The following RCC2 variants were observed in gnomAD, a reference collection of about 807,000 sequenced individuals.
RCC2 encodes protein RCC2.
Under a neutral mutation model 64.1 loss-of-function variants are expected in RCC2, and 19 were observed. The observed-to-expected ratio is 0.30, with a 90% CI of 0.21 to 0.44. The LOEUF (loss-of-function observed/expected upper bound fraction) is 0.44. Ranked by LOEUF, RCC2 falls within the 20% of genes least tolerant of loss-of-function variation. RCC2 has a pLI of 1.00. For missense variants in RCC2, 508 were observed against 710.4 expected (o/e 0.72, Z 3.24); for synonymous variants, 325 against 279.6 (o/e 1.16, Z -1.62).
chr1:17,431,441 C>G (rs7549366), intron 2 of RCC2, among the ~76,000 whole-genome samples: 4 of 95,620 alleles, frequency 4.2e-5, no homozygotes, highest in African/African-American at 1.6e-4. Context: ...CTGAAGCAGG[C>G]GGATCACCTG....
chr1:17,433,117 G>A (rs1003903192), intron 2 of RCC2, among the ~76,000 whole-genome samples: 12 of 152,088 alleles, frequency 7.9e-5, no homozygotes, highest in Admixed American at 7.2e-4. Context: ...CTCCAGTGAC[G>A]GTGGTCAGAT....
chr1:17,429,351 C>A, intron 2 of RCC2, 152 bp from the exon 3 acceptor site: 2 of 647,650 alleles, frequency 3.1e-6, no homozygotes, highest in East Asian at 2.7e-5. Context: ...TCCCCACACT[C>A]CCCTCCCTCA....
intron 11 of RCC2, among the ~76,000 whole-genome samples, chr1:17,410,612 G>A (rs1301797958): frequency 6.6e-6 from 1 of 152,232 alleles, no homozygotes; most frequent in Non-Finnish European, 1.5e-5. Context: ...GTGCAAAGGT[G>A]TGGAGCTGGG....
At chr1:17,409,896 C>CG (rs2075406213) in intron 12 of RCC2, 78 bp downstream of exon 12, 1 of 1,245,184 alleles carries the variant, frequency 8.0e-7, no homozygotes, top group Non-Finnish European at 1.2e-6. Context: ...AAACAGACTG[C>CG]GATGATCAAA....
At position 17,410,028 on chromosome 1, in the gene RCC2, C is replaced by T. The variant is rs2075407754; in HGVS notation, c.1410G>A (p.Lys470=). 5 of 1,614,092 alleles carry T rather than the reference C, an allele frequency of 3.1e-6. No individual in the cohort carries two copies. Among genetic ancestry groups the T allele is most frequent in the African/African-American group, 1.3e-5 (1 of 75,026 alleles). Residue 470 remains lysine (K), a synonymous_variant, in exon 12 of 13, where the codon AAG becomes AAA. Transcript: ENST00000375436. The part of the protein sequence containing the change: ...GELGYGDHKP[K]SSTAAQEVKT... ...TTACCTCCTGGGCTGCAGTGGAAGACTTGGGCTTGTGGTCCCCGTAGCCCT... is the reference window on the plus strand; with the variant it reads ...TTACCTCCTGGGCTGCAGTGGAAGATTTGGGCTTGTGGTCCCCGTAGCCCT...
chr1:17,434,097 A>C (rs2075711939), intron 2 of RCC2, among the ~76,000 whole-genome samples: 1 of 152,212 alleles, frequency 6.6e-6, no homozygotes, highest in Non-Finnish European at 1.5e-5. Context: ...GAAGTGCGCA[A>C]AGAATTAGGA....
At chr1:17,419,511 T>C (rs2075526831) in intron 7 of RCC2, among the ~76,000 whole-genome samples, 1 of 152,224 alleles carries the variant, frequency 6.6e-6, no homozygotes, top group Non-Finnish European at 1.5e-5. Flanking sequence ...AACACCTGCC[T>C]TAAAGCAAGT....
Position 17,413,078 on chromosome 1 carries a change from A to T in RCC2, c.1308T>A (p.Ala436=), listed in dbSNP as rs2075444339. ...DLCGWRIRSL[A]CGKSSIIVAA... The stretch of plus-strand genomic sequence containing the variant: ...CAGGAGATGCTGCCACCTACCCACA[A>T]GCCAGGCTCCGGATTCTCCAGCCGC... The change falls in exon 10 of 13, where the codon GCT becomes GCA. Residue 436 remains alanine, a synonymous_variant. Transcript: ENST00000375436. 6.2e-7 allele frequency: 1 copy of T among 1,612,140 alleles called. No homozygotes were observed. The highest frequency in any genetic ancestry group is 1.3e-5 in the African/African-American group (1 of 74,860).
Position 17,412,108 on chromosome 1 carries a change from A to G in RCC2, c.1386+14T>C. 6.2e-7 allele frequency: 1 copy of G among 1,613,836 alleles called. No homozygotes were observed. The highest frequency in any genetic ancestry group is 8.5e-7 in the Non-Finnish European group (1 of 1,179,738). On this transcript the variant is annotated intron_variant, in intron 11 of 12. Coordinates refer to ENST00000375436, the MANE Select transcript of RCC2 (RefSeq NM_018715.4). ...GGCTTCCACTTCCCCTGACCCGCAC[A>G]GGTGACAGCTTACCAGTTCCCCAAA...
chr1:17,416,696 C>T lies in RCC2; in HGVS notation c.860-50G>A, dbSNP rs770283349. 10 of 1,565,500 alleles carry T rather than the reference C, an allele frequency of 6.4e-6. No homozygotes were observed. In the African/African-American group the frequency reaches 9.4e-5, roughly 15 times the overall value. On this transcript the variant is annotated intron_variant, in intron 7 of 12. Coordinates refer to ENST00000375436, the MANE Select transcript of RCC2 (RefSeq NM_018715.4). ...TCAGCAGCAGCACAAGCACAAGGGACGTGTCAGTGTGCTCACACGGACTCT... is the reference window on the plus strand; with the variant it reads ...TCAGCAGCAGCACAAGCACAAGGGATGTGTCAGTGTGCTCACACGGACTCT...
intron 2 of RCC2, among the ~76,000 whole-genome samples, chr1:17,436,889 T>C (rs1471212980): frequency 6.6e-6 from 1 of 152,232 alleles, no homozygotes; most frequent in African/African-American, 2.4e-5. Flanking sequence ...AGGAAAACAG[T>C]TCCTGTGTTC....
intron 2 of RCC2, among the ~76,000 whole-genome samples, chr1:17,435,565 G>T (rs1250381847): frequency 2.6e-5 from 4 of 152,240 alleles, no homozygotes; most frequent in Non-Finnish European, 5.9e-5. Flanking sequence ...CAGGACAAGG[G>T]GCAGAGGGCT....
chr1:17,431,513 A>AAG (rs1327393329), intron 2 of RCC2, among the ~76,000 whole-genome samples: 16 of 144,882 alleles, frequency 1.1e-4, no homozygotes, highest in African/African-American at 3.3e-4. Context: ...AAAAAAAAAA[A>AAG]AAAAAAAAGA....
chr1:17,411,385 G>C (rs1427848747), intron 11 of RCC2, among the ~76,000 whole-genome samples: 1 of 152,086 alleles, frequency 6.6e-6, no homozygotes, highest in Non-Finnish European at 1.5e-5. Flanking sequence ...AAGACAGCCT[G>C]GCCAACATGG....
At chr1:17,425,292 T>C (rs750203635) in intron 4 of RCC2, among the ~76,000 whole-genome samples, 10 of 152,130 alleles carry the variant, frequency 6.6e-5, no homozygotes, top group Non-Finnish European at 1.5e-5. Context: ...AAAATGTTCC[T>C]TGTGTAAACA....
intron 4 of RCC2, among the ~76,000 whole-genome samples, chr1:17,424,241 C>A (rs928740461): frequency 2.0e-5 from 3 of 152,238 alleles, no homozygotes; most frequent in Non-Finnish European, 4.4e-5. Context: ...CACCTTCCAA[C>A]CCTGTCCTCA....
chr1:17,425,478 C>G (rs779083439), intron 4 of RCC2, 63 bp downstream of exon 4: 9 of 1,467,722 alleles, frequency 6.1e-6, no homozygotes, highest in Non-Finnish European at 5.5e-6. Flanking sequence ...AACAGAAGAA[C>G]GTGCTGTGTG....
At chr1:17,418,213 A>ATTT (rs751372153) in intron 7 of RCC2, among the ~76,000 whole-genome samples, 61 of 128,728 alleles carry the variant, frequency 4.7e-4, no homozygotes, top group Admixed American at 1.0e-3. Flanking sequence ...AGCAGGTTCT[A>ATTT]TTTTTTTTTT....
chr1:17,431,333 CAAAAA>C (rs1168877538), intron 2 of RCC2, among the ~76,000 whole-genome samples: 1 of 9,666 alleles, frequency 1.0e-4, no homozygotes, highest in African/African-American at 3.2e-4. Context: ...GACTCCATCT[CAAAAA>C]AAAAAAAAAA....
Sources: gnomAD v4.1 joint callset for allele counts (sites outside exome capture counted in the v4.1 genomes callset) on GRCh38, gnomAD v4.1.1 for gene constraint, MANE v1.5 for transcripts, NCBI Gene and HGNC (gene_info 2026-07-23, HGNC 2026-07-21) for gene names.